Variants in BOP1 observed in about 807,000 individuals in gnomAD.
BOP1 encodes ribosome biogenesis protein BOP1.
In BOP1, 54 loss-of-function variants were observed where a neutral mutation model predicts 82.9. The observed-to-expected ratio is 0.65, with a 90% CI of 0.52 to 0.82. The LOEUF is 0.82. Among genes scored for constraint, BOP1 ranks in the 40% least tolerant of loss-of-function variants. BOP1 has a pLI of 0.00. For missense variants in BOP1, 1,170 were observed against 1,072.0 expected (o/e 1.09, Z -1.28); for synonymous variants, 566 against 451.1 (o/e 1.25, Z -3.23).
chr8:144,266,285 GCC>G (rs1362830174), intron 3 of BOP1, among the ~76,000 whole-genome samples: 1 of 152,044 alleles, frequency 6.6e-6, no homozygotes, highest in Non-Finnish European at 1.5e-5. Flanking sequence ...ACGGAACGAT[GCC>G]CCCAAAGACC....
At chr8:144,273,059 G>A (rs917254076) in intron 3 of BOP1, among the ~76,000 whole-genome samples, 2 of 152,146 alleles carry the variant, frequency 1.3e-5, no homozygotes, top group East Asian at 1.9e-4. Context: ...AGGCCCGGGC[G>A]CCCTCCACAA....
chr8:144,282,568 A>G (rs1380484498), intron 2 of BOP1, among the ~76,000 whole-genome samples: 1 of 152,028 alleles, frequency 6.6e-6, no homozygotes, highest in Non-Finnish European at 1.5e-5. Context: ...CCACACAAAC[A>G]CAAAAATAAA....
rs7012053 is a variant in BOP1, at chr8:144,262,767, T to C, written c.1894+86A>G. 6,157 of 1,216,044 alleles carry C rather than the reference T, an allele frequency of 5.1e-3. 17 individuals are homozygous for C. The highest frequency in any genetic ancestry group is 0.015 in the African/African-American group (641 of 41,998). The allele number at this position is 1,216,044 out of a possible 1,614,324, so 75.3% of individuals were successfully genotyped here. On this transcript the variant is annotated intron_variant, in intron 13 of 15. Transcript: ENST00000569669. ...TACACCCCTCACCTGCAGGGTGCAC[T>C]GCCCCTACCCCCACCCCTCACCTGC...
At chr8:144,273,204 T>C (rs1441792689) in intron 3 of BOP1, among the ~76,000 whole-genome samples, 1 of 152,122 alleles carries the variant, frequency 6.6e-6, no homozygotes, top group African/African-American at 2.4e-5. Flanking sequence ...CCGCCAGCAC[T>C]GGAGGCAGCT....
chr8:144,266,808 GC>G, intron 3 of BOP1: 1 of 1,154,440 alleles, frequency 8.7e-7, no homozygotes, highest in Non-Finnish European at 1.1e-6. Context: ...GGGGCGGGGG[GC>G]CAGGGGGCCG....
intron 3 of BOP1, among the ~76,000 whole-genome samples, chr8:144,270,527 C>G (rs1182504146): frequency 1.3e-5 from 2 of 152,110 alleles, no homozygotes; most frequent in Non-Finnish European, 2.9e-5. Context: ...CCAGCCCAGC[C>G]GCTCCCTGAG....
chr8:144,285,275 C>T (rs543281242), intron 2 of BOP1, among the ~76,000 whole-genome samples: 8 of 152,308 alleles, frequency 5.3e-5, no homozygotes. Flanking sequence ...GTGTCCGTGA[C>T]ATGACACATG....
chr8:144,288,091 C>A (rs1588610607), intron 2 of BOP1, among the ~76,000 whole-genome samples: 1 of 151,938 alleles, frequency 6.6e-6, no homozygotes, highest in African/African-American at 2.4e-5. Flanking sequence ...CATGGTGAAA[C>A]CCCGTCACTA....
At chr8:144,271,517 G>A (rs1051739226) in intron 3 of BOP1, among the ~76,000 whole-genome samples, 9 of 152,054 alleles carry the variant, frequency 5.9e-5, no homozygotes, top group Non-Finnish European at 1.2e-4. Flanking sequence ...CAAAACGCCC[G>A]CCTGTCTCGG....
chr8:144,267,884 C>T (rs991293628), intron 3 of BOP1, among the ~76,000 whole-genome samples: 1 of 152,228 alleles, frequency 6.6e-6, no homozygotes, highest in South Asian at 2.1e-4. Flanking sequence ...ACAGCACGCG[C>T]GAGCTCCTGG....
rs1378665941 is a variant in BOP1 at position 144,262,842 on chromosome 8, CCA to C, written c.1894+9_1894+10del. 33 of 1,220,078 alleles carry C rather than the reference CCA, an allele frequency of 2.7e-5. 1 individual carries two copies. Among genetic ancestry groups the C allele is most frequent in the East Asian group, 7.8e-5 (2 of 25,528 alleles). 75.6% of individuals were successfully genotyped at this position (1,220,078 alleles called of 1,614,324 possible). A position where few individuals can be genotyped will look rare whatever the true frequency, so the allele number is the denominator to read the frequency against. On this transcript the variant is annotated intron_variant, in intron 13 of 15. Transcript: ENST00000569669. ...CCCTCACCTGCAGGGTGCACCGCCC[CCA>C]CCCCTCACCTGCAGGGTGCACCGCC...
At chr8:144,274,214 CCTG>C (rs1845536609) in intron 3 of BOP1, among the ~76,000 whole-genome samples, 1 of 152,190 alleles carries the variant, frequency 6.6e-6, no homozygotes, top group African/African-American at 2.4e-5. Flanking sequence ...CCCTCCCTGC[CCTG>C]CTACCAGGGG....
At chr8:144,274,897 G>A (rs771623882) in intron 3 of BOP1, among the ~76,000 whole-genome samples, 23 of 152,240 alleles carry the variant, frequency 1.5e-4, no homozygotes, top group Non-Finnish European at 3.1e-4. Context: ...TGTGGCTGCC[G>A]ACAGCCAGAG....
intron 2 of BOP1, among the ~76,000 whole-genome samples, chr8:144,285,389 C>T (rs1554839347): frequency 6.6e-6 from 1 of 152,186 alleles, no homozygotes; most frequent in Non-Finnish European, 1.5e-5. Context: ...ACAGGGGCCA[C>T]GTCTTGCCAA....
In BOP1 at chr8:144,266,440, GGGGCCCCGCTCC is replaced by G. The variant is rs1486642238; in HGVS notation, c.391-1381_391-1370del. ...GGACGCCGCTATAAAGGCGCAGCTC[GGGGCCCCGCTCC>G]GGCCCGGGACGCACATGTGCGCGCG... On this transcript the variant is annotated intron_variant, in intron 3 of 15. Coordinates refer to ENST00000569669, the MANE Select transcript of BOP1 (RefSeq NM_015201.5). 1.7e-5 allele frequency: 16 copies of G among 933,256 alleles called. No homozygotes were observed. The African/African-American group carries it at 2.1e-4, about 12-fold the overall frequency. 57.8% of individuals were successfully genotyped at this position (933,256 alleles called of 1,614,324 possible).
rs970055567 is a variant in BOP1 at position 144,264,619 on chromosome 8, G to A, written c.664-3C>T. 1.3e-6 allele frequency: 2 copies of A among 1,592,738 alleles called. No individual in the cohort carries two copies. Among genetic ancestry groups the A allele is most frequent in the Middle Eastern group, 1.9e-4 (1 of 5,214 alleles). On this transcript the variant is annotated splice_region_variant and splice_polypyrimidine_tract_variant and intron_variant, in intron 5 of 15. Transcript: ENST00000569669. ...CCGCTGAAGAAGTCGACAGCCGGCT[G>A]GGGGAGAAGATGTGGGCGTGTGGGC...
chr8:144,267,808 C>T (rs1258347315), intron 3 of BOP1, among the ~76,000 whole-genome samples: 3 of 152,216 alleles, frequency 2.0e-5, no homozygotes, highest in East Asian at 1.9e-4. Flanking sequence ...TTGGTGGCAC[C>T]GGAAAAGCAG....
At position 144,263,879 on chromosome 8, in the gene BOP1, C is replaced by T; in HGVS notation, c.1173G>A (p.Lys391=). 2 of 1,611,686 alleles carry T rather than the reference C, an allele frequency of 1.2e-6. No individual in the cohort carries two copies. Among genetic ancestry groups the T allele is most frequent in the East Asian group, 2.2e-5 (1 of 44,876 alleles). The change falls in exon 9 of 16, where the codon AAG becomes AAA. Residue 391 remains lysine (K), a synonymous_variant. Coordinates refer to ENST00000569669, the MANE Select transcript of BOP1 (RefSeq NM_015201.5). ...VNVDPEDLIP[K]LPRPRDLQPF... is the part of the protein sequence containing the mutation. ...GCTGCAGGTCCCTCGGCCGAGGCAG[C>T]TTGGGGATGAGGTCCTCAGGGTCTA... is the stretch of plus-strand genomic sequence containing the variant.
intron 2 of BOP1, among the ~76,000 whole-genome samples, chr8:144,287,925 C>A (rs1814926047): frequency 6.6e-6 from 1 of 152,196 alleles, no homozygotes; most frequent in Admixed American, 6.5e-5. Context: ...AACACCGAAA[C>A]TACTGGGAGA....
Sources: allele counts gnomAD v4.1 joint callset (sites outside exome capture counted in the v4.1 genomes callset), GRCh38; gene constraint gnomAD v4.1.1; transcripts MANE v1.5; gene names NCBI Gene and HGNC (gene_info 2026-07-23, HGNC 2026-07-21).